FCHO1: variants seen among roughly 807,000 people sequenced by gnomAD.
The protein encoded by FCHO1 is F-BAR domain only protein 1.
A neutral mutation model predicts 114.4 loss-of-function variants in FCHO1; 45 were observed. The ratio of observed to expected loss-of-function variants is 0.39; its 90% confidence interval spans 0.31 to 0.50. The LOEUF is 0.50. FCHO1 is among the 20% of genes least tolerant of loss of function. The pLI, the probability that FCHO1 is intolerant of heterozygous loss-of-function variation, is 0.77. For synonymous variants in FCHO1, 480 were observed against 488.9 expected (o/e 0.98, Z 0.24); for missense variants, 1,042 against 1,209.6 (o/e 0.86, Z 2.06).
rs1383611780 is a variant in FCHO1 at position 17,781,475 on chromosome 19, A to G, written c.1764A>G (p.Pro588=). 6.2e-7 allele frequency: 1 copy of G among 1,613,646 alleles called. No individual in the cohort carries two copies. The highest frequency in any genetic ancestry group is 1.3e-5 in the African/African-American group (1 of 74,856). ...AGTCTCGTTCCCTGAGCCCCTCCCC[A>G]CTGGGCTCTTCAGCCGCCAGCACTG... ...GDLSRSLSPS[P]LGSSAASTAL... is the part of the protein sequence containing the mutation. Residue 588 remains proline (P), a synonymous_variant, in exon 22 of 29, where the codon CCA becomes CCG. Transcript: ENST00000596536.
intron 1 of FCHO1, among the ~76,000 whole-genome samples, chr19:17,752,780 G>A (rs1470477415): frequency 6.6e-6 from 1 of 151,494 alleles, no homozygotes; most frequent in Non-Finnish European, 1.5e-5. Flanking sequence ...TAGACATGTA[G>A]TCCCAGCTAC....
chr19:17,762,826 A>G lies in FCHO1; in HGVS notation c.92A>G (p.Lys31Arg). ...GTGAAGCAGGGGCCCATCTCCACCA[A>G]GGAGCTGGCGGACTTCATCCGGGAG... The part of the protein sequence containing the change: ...HSVKQGPIST[K>R]ELADFIRERA... The change falls in exon 5 of 29, where the codon AAG becomes AGG. Residue 31 changes from lysine to arginine, a missense_variant. Physicochemically the swap from Lys to Arg is conservative, Grantham distance 26. Around this residue, in one of 3 missense-constraint regions of FCHO1, gnomAD observed 450 missense variants for 564.1 expected, o/e 0.80. Transcript: ENST00000596536. 4 of 1,613,774 alleles carry G rather than the reference A, an allele frequency of 2.5e-6. No homozygotes were observed. Among genetic ancestry groups the G allele is most frequent in the Non-Finnish European group, 3.4e-6 (4 of 1,179,740 alleles).
rs748242859 is a variant in FCHO1 at position 17,775,115 on chromosome 19, A to G, written c.945+35A>G. The G allele has an allele frequency of 2.9e-5, 47 of 1,602,640 alleles. 2 individuals are homozygous for G. The highest frequency in any genetic ancestry group is 2.6e-4 in the South Asian group (23 of 90,036). ...GTGGGAGGGGTCAGGCTGGGCTACAAGTGGAAGGAGTTTGATCCCACTCTT... is the reference window on the plus strand; with the variant it reads ...GTGGGAGGGGTCAGGCTGGGCTACAGGTGGAAGGAGTTTGATCCCACTCTT... On this transcript the variant is annotated intron_variant, in intron 14 of 28. Coordinates refer to ENST00000596536, the MANE Select transcript of FCHO1 (RefSeq NM_015122.3). The surrounding 1 kb of genome is among the most constrained non-coding windows in gnomAD (Gnocchi z 5.1).
At chr19:17,780,794 C>T (rs754019062) in intron 20 of FCHO1, among the ~76,000 whole-genome samples, 1 of 151,972 alleles carries the variant, frequency 6.6e-6, no homozygotes. Context: ...GAACCAGGAC[C>T]CTGAGGAAGC....
Position 17,783,098 on chromosome 19 carries a change from A to T in FCHO1, c.2019A>T (p.Pro673=), listed in dbSNP as rs2093570679. 18 of 1,613,862 alleles carry T rather than the reference A, an allele frequency of 1.1e-5. No homozygotes were observed. In the East Asian group the frequency reaches 4.0e-4, roughly 36 times the overall value. The change falls in exon 24 of 29, where the codon CCA becomes CCT. Residue 673 remains proline, a synonymous_variant. Coordinates refer to ENST00000596536, the MANE Select transcript of FCHO1 (RefSeq NM_015122.3). ...GTGTGTTCAGCGGGACCCCACCACC[A>T]CCTGTCCTCAGCTTCCGGCTTGTAC... ...IVRVFSGTPP[P]PVLSFRLVHT... is the part of the protein sequence containing the mutation.
intron 5 of FCHO1, among the ~76,000 whole-genome samples, chr19:17,763,204 C>T (rs1599604290): frequency 6.6e-6 from 1 of 151,604 alleles, no homozygotes; most frequent in Middle Eastern, 3.4e-3. Flanking sequence ...TCAAGAGATC[C>T]TCCTACCTCA....
chr19:17,784,700 T>C lies in FCHO1; in HGVS notation c.2227-25T>C. 1 of 1,610,434 alleles carries C rather than the reference T, an allele frequency of 6.2e-7. No homozygotes were observed. On this transcript the variant is annotated intron_variant, in intron 25 of 28. Transcript: ENST00000596536. This position sits in a 1 kb window ranked among gnomAD's most constrained non-coding sequence, Gnocchi z 5.3. ...AGACAGGATGGCCCAAGCTGTGTCCTCTCTCTCATTCTCATTCTTCCTAGT... is the reference window on the plus strand; with the variant it reads ...AGACAGGATGGCCCAAGCTGTGTCCCCTCTCTCATTCTCATTCTTCCTAGT...
At chr19:17,762,477 CAG>C (rs2076560945) in intron 4 of FCHO1, among the ~76,000 whole-genome samples, 1 of 152,036 alleles carries the variant, frequency 6.6e-6, no homozygotes, top group Admixed American at 6.6e-5. Context: ...GAGAGAAAGA[CAG>C]AGACACAAAG....
intron 20 of FCHO1, among the ~76,000 whole-genome samples, chr19:17,779,166 A>C (rs1021616249): frequency 2.0e-5 from 3 of 152,128 alleles, no homozygotes; most frequent in African/African-American, 7.2e-5. Flanking sequence ...TGCTGGGCAG[A>C]GGGCACAGCC....
At chr19:17,759,009 G>A (rs7260590) in intron 4 of FCHO1, among the ~76,000 whole-genome samples, 148,430 of 152,080 alleles carry the variant, frequency 0.98, 72,579 homozygotes, top group African/African-American at 1. Flanking sequence ...TCAAGCTTCC[G>A]GGTACCTGGG....
intron 4 of FCHO1, among the ~76,000 whole-genome samples, chr19:17,757,295 C>T (rs950744838): frequency 2.0e-5 from 3 of 152,194 alleles, no homozygotes; most frequent in East Asian, 1.9e-4. Context: ...CTAGGACCCT[C>T]GGCTGCCAGC....
In FCHO1 at chr19:17,778,727, T is replaced by C. The variant is rs546428798; in HGVS notation, c.1470T>C (p.Asp490=). Residue 490 remains aspartate, a synonymous_variant, in exon 20 of 29, where the codon GAT becomes GAC. Coordinates refer to ENST00000596536, the MANE Select transcript of FCHO1 (RefSeq NM_015122.3). Reference sequence around the variant, plus strand: ...ACGCGGCACCTGGCCCCTCCCCAGATTCCTGGGTCCCCCGCCCAGGCACCC... The same window carrying C: ...ACGCGGCACCTGGCCCCTCCCCAGACTCCTGGGTCCCCCGCCCAGGCACCC... ...PSHAAPGPSP[D]SWVPRPGTPQ... 55 of 1,542,604 alleles carry C rather than the reference T, an allele frequency of 3.6e-5. No homozygotes were observed. In the South Asian group the frequency reaches 5.7e-4, roughly 16 times the overall value.
intron 4 of FCHO1, among the ~76,000 whole-genome samples, chr19:17,761,822 G>A (rs1410156715): frequency 2.0e-5 from 3 of 150,930 alleles, no homozygotes; most frequent in Non-Finnish European, 4.4e-5. Context: ...CACCATGCCT[G>A]GCTAATTTTT....
chr19:17,764,433 A>C lies in FCHO1; in HGVS notation c.178A>C (p.Asn60His). The C allele has an allele frequency of 6.2e-7, 1 of 1,613,216 alleles. No individual in the cohort carries two copies. Among genetic ancestry groups the C allele is most frequent in the Middle Eastern group, 1.7e-4 (1 of 6,058 alleles). The change falls in exon 6 of 29, where the codon AAC becomes CAC. Residue 60 changes from asparagine to histidine, a missense_variant. Coordinates refer to ENST00000596536, the MANE Select transcript of FCHO1 (RefSeq NM_015122.3). ...GGCGAAACTCTCCAAGCTGGCCAGC[A>C]ACGGGACCCCCATGGGGTGAGTGGG... ...AMAKLSKLASNGTPMGTFAPL... is the reference protein window; with the variant it reads ...AMAKLSKLASHGTPMGTFAPL...
intron 7 of FCHO1, among the ~76,000 whole-genome samples, chr19:17,768,568 C>G (rs1362150726): frequency 1.3e-5 from 2 of 151,898 alleles, no homozygotes; most frequent in African/African-American, 4.8e-5. Context: ...GGCACACACA[C>G]CTGTAATCCC....
At chr19:17,788,239 TACCCCTCCTCCCC>T in intron 28 of FCHO1, 32 bp from the exon 29 acceptor site, 10 of 961,362 alleles carry the variant, frequency 1.0e-5, no homozygotes, top group Non-Finnish European at 1.6e-5. Flanking sequence ...ACCCCTCCCG[TACCCCTCCTCCCC>T]ACCCCTCCCC....
At chr19:17,767,573 A>AC (rs1484280879) in intron 7 of FCHO1, among the ~76,000 whole-genome samples, 7 of 151,554 alleles carry the variant, frequency 4.6e-5, no homozygotes, top group Non-Finnish European at 8.8e-5. Context: ...TAAAAAAAAA[A>AC]AAAAAAAAAA....
At chr19:17,778,427 T>G (rs978929458) in intron 19 of FCHO1, 182 bp from the exon 20 acceptor site, 5 of 805,728 alleles carry the variant, frequency 6.2e-6, no homozygotes, top group Non-Finnish European at 7.7e-6. Context: ...GGTGACTGAG[T>G]GGATGGGCCG....
At position 17,766,702 on chromosome 19, in the gene FCHO1, C is replaced by G; in HGVS notation, c.228C>G (p.Val76=). ...TFAPLWEVFR[V]SSDKLALCHL... ...CCCCGCTCTGGGAGGTCTTCCGCGTCTCCTCGGACAAGCTGGCGCTGTGCC... is the reference window on the plus strand; with the variant it reads ...CCCCGCTCTGGGAGGTCTTCCGCGTGTCCTCGGACAAGCTGGCGCTGTGCC... Residue 76 remains valine, a synonymous_variant, in exon 7 of 29, where the codon GTC becomes GTG. Coordinates refer to ENST00000596536, the MANE Select transcript of FCHO1 (RefSeq NM_015122.3). 1 of 1,614,220 alleles carries G rather than the reference C, an allele frequency of 6.2e-7. No homozygotes were observed. Among genetic ancestry groups the G allele is most frequent in the East Asian group, 2.2e-5 (1 of 44,888 alleles).
Sources: allele counts gnomAD v4.1 joint callset (sites outside exome capture counted in the v4.1 genomes callset), GRCh38; gene constraint gnomAD v4.1.1; regional missense constraint gnomAD v4.1.1; non-coding constraint Gnocchi (gnomAD v3.1); transcripts MANE v1.5; gene names NCBI Gene and HGNC (gene_info 2026-07-23, HGNC 2026-07-21).